The following TMC5 variants were observed in gnomAD, a reference collection of about 807,000 sequenced individuals.
TMC5 encodes the protein transmembrane channel-like protein 5.
Under a neutral mutation model 110.5 loss-of-function variants are expected in TMC5, and 86 were observed. The ratio of observed to expected loss-of-function variants is 0.78; its 90% CI spans 0.65 to 0.93. The LOEUF is 0.93. Ranked by LOEUF, TMC5 falls within the 40% of genes least tolerant of loss-of-function variation. TMC5 has a pLI of 0.00. For synonymous variants in TMC5, 455 were observed against 439.5 expected (o/e 1.04, Z -0.44); for missense variants, 1,144 against 1,222.8 (o/e 0.94, Z 0.96).
intron 5 of TMC5, among the ~76,000 whole-genome samples, chr16:19,451,065 T>G (rs1047225336): frequency 4.5e-4 from 68 of 152,014 alleles, no homozygotes; most frequent in African/African-American, 1.6e-3. Context: ...GCCTGGGAGG[T>G]TGAGGCTGCA....
At chr16:19,435,427 G>A (rs1001978905) in intron 2 of TMC5, among the ~76,000 whole-genome samples, 3 of 151,888 alleles carry the variant, frequency 2.0e-5, no homozygotes, top group African/African-American at 4.8e-5. Context: ...GCGTGAACCC[G>A]GGAGGCAGAG....
intron 9 of TMC5, among the ~76,000 whole-genome samples, chr16:19,467,741 C>T (rs891673696): frequency 9.2e-5 from 14 of 152,088 alleles, no homozygotes; most frequent in African/African-American, 3.4e-4. Context: ...CTCAGCCTCC[C>T]AAAGTGCTGG....
At position 19,439,459 on chromosome 16, in the gene TMC5, T is replaced by C. The variant is rs140563033; in HGVS notation, c.-79-501T>C. 9.5e-4 allele frequency among the ~76,000 whole-genome samples: 144 copies of C among 152,348 alleles called. 1 individual carries two copies. The East Asian group carries it at 0.014, about 15-fold the overall frequency. ...CTCCCCCATAACCAAGGGAATATAT[T>C]GTTCAAGATGAAAGCTTAGTTGCAT... is the stretch of plus-strand genomic sequence containing the variant. On this transcript the variant is annotated intron_variant, in intron 2 of 21. Coordinates refer to ENST00000542583, the MANE Select transcript of TMC5 (RefSeq NM_001261841.2).
intron 5 of TMC5, among the ~76,000 whole-genome samples, chr16:19,452,656 G>T (rs1356718204): frequency 6.6e-6 from 1 of 152,202 alleles, no homozygotes; most frequent in Admixed American, 6.5e-5. Flanking sequence ...GGCGGAGAAT[G>T]CAGTGAGCCG....
chr16:19,469,211 G>A (rs575387785), intron 9 of TMC5, among the ~76,000 whole-genome samples: 1 of 152,018 alleles, frequency 6.6e-6, no homozygotes, highest in African/African-American at 2.4e-5. Flanking sequence ...AAAATTGGCC[G>A]GGCGTGGTGA....
chr16:19,495,065 A>C (rs1597223533), intron 20 of TMC5, among the ~76,000 whole-genome samples: 1 of 16,478 alleles, frequency 6.1e-5, no homozygotes, highest in African/African-American at 1.2e-4. Context: ...CCCAGGCTGG[A>C]GTGCAGTGGC....
At chr16:19,447,123 C>T (rs1202571798) in intron 4 of TMC5, among the ~76,000 whole-genome samples, 1 of 152,148 alleles carries the variant, frequency 6.6e-6, no homozygotes, top group Non-Finnish European at 1.5e-5. Context: ...GTACAATAAA[C>T]AAGCATTTTC....
At chr16:19,423,868 C>T (rs898602574) in intron 1 of TMC5, among the ~76,000 whole-genome samples, 1 of 152,200 alleles carries the variant, frequency 6.6e-6, no homozygotes, top group South Asian at 2.1e-4. Flanking sequence ...TCTCCTGCCT[C>T]AGCCTCCTGA....
intron 19 of TMC5, among the ~76,000 whole-genome samples, chr16:19,493,449 C>G (rs1488961791): frequency 4.8e-5 from 2 of 41,630 alleles, no homozygotes; most frequent in African/African-American, 7.9e-5. Context: ...GTTAATGTCT[C>G]TCTCTCTCTC....
At chr16:19,459,903 G>A (rs1967976277) in intron 5 of TMC5, among the ~76,000 whole-genome samples, 1 of 109,008 alleles carries the variant, frequency 9.2e-6, no homozygotes, top group Non-Finnish European at 1.7e-5. Flanking sequence ...GGGTGACACA[G>A]CAAGATCCTG....
intron 8 of TMC5, 138 bp from the exon 9 acceptor site, chr16:19,465,944 C>A: frequency 1.2e-6 from 1 of 808,292 alleles, no homozygotes; most frequent in Non-Finnish European, 1.8e-6. Context: ...TTCTCAGTGC[C>A]CCTTTCCTGG....
At chr16:19,465,845 G>A (rs899023318) in intron 8 of TMC5, among the ~76,000 whole-genome samples, 1 of 152,296 alleles carries the variant, frequency 6.6e-6, no homozygotes, top group Admixed American at 6.5e-5. Context: ...CTTGATCACT[G>A]GGCCAGGTGG....
chr16:19,455,703 A>G (rs1271820471), intron 5 of TMC5, among the ~76,000 whole-genome samples: 1 of 152,210 alleles, frequency 6.6e-6, no homozygotes, highest in East Asian at 1.9e-4. Context: ...AAACTGAGTC[A>G]CAGGCCCACC....
chr16:19,466,315 G>A, intron 9 of TMC5, 82 bp downstream of exon 9: 1 of 1,496,684 alleles, frequency 6.7e-7, no homozygotes, highest in East Asian at 2.3e-5. Flanking sequence ...AATTACCCAG[G>A]TAACAGTTTC....
intron 19 of TMC5, among the ~76,000 whole-genome samples, chr16:19,492,915 G>GATAGATATAT (rs58561457): frequency 3.0e-4 from 13 of 42,752 alleles, no homozygotes; most frequent in African/African-American, 5.9e-4. Context: ...TTAAAACTTA[G>GATAGATATAT]ATATATATAT....
intron 18 of TMC5, among the ~76,000 whole-genome samples, chr16:19,491,403 T>C (rs1166166271): frequency 2.0e-5 from 3 of 152,120 alleles, no homozygotes; most frequent in Non-Finnish European, 2.9e-5. Context: ...GGAGGATTGC[T>C]TGAGCCTAGG....
intron 19 of TMC5, 33 bp downstream of exon 19, chr16:19,492,261 C>T (rs745771561): frequency 6.6e-7 from 1 of 1,521,802 alleles, no homozygotes; most frequent in East Asian, 2.3e-5. Flanking sequence ...GATGTCCGCC[C>T]TCACCCTTTT....
At chr16:19,451,134 A>T (rs1003978523) in intron 5 of TMC5, among the ~76,000 whole-genome samples, 13 of 152,156 alleles carry the variant, frequency 8.5e-5, no homozygotes, top group Non-Finnish European at 1.5e-5. Context: ...ACCCTGTCTC[A>T]AAATCAAACA....
intron 11 of TMC5, 66 bp from the exon 12 acceptor site, chr16:19,474,059 T>C: frequency 6.7e-7 from 1 of 1,491,852 alleles, no homozygotes; most frequent in Non-Finnish European, 9.0e-7. Context: ...TGGGAGACTT[T>C]TGAGTGAAGC....
Sources: allele counts gnomAD v4.1 joint callset (sites outside exome capture counted in the v4.1 genomes callset), GRCh38; gene constraint gnomAD v4.1.1; transcripts MANE v1.5; gene names NCBI Gene and HGNC (gene_info 2026-07-23, HGNC 2026-07-21).